ARHGAP24: variants seen among roughly 807,000 people sequenced by gnomAD.
The protein encoded by ARHGAP24 is Rho GTPase activating protein 24.
A neutral mutation model predicts 76.4 loss-of-function variants in ARHGAP24; 50 were observed. The ratio of observed to expected loss-of-function variants is 0.65; its 90% confidence interval spans 0.52 to 0.83. The LOEUF is 0.83. Among genes scored for constraint, ARHGAP24 ranks in the 40% least tolerant of loss-of-function variants. ARHGAP24 has a pLI of 0.00. For missense variants in ARHGAP24, 930 were observed against 914.2 expected, an observed-to-expected ratio of 1.02 and a Z score of -0.22; for synonymous variants, 345 against 323.3, an observed-to-expected ratio of 1.07 and a Z score of -0.72.
chr4:85,560,565 T>C (rs1726553525), intron 1 of ARHGAP24, among the ~76,000 whole-genome samples: 1 of 152,192 alleles, frequency 6.6e-6, no homozygotes, highest in Non-Finnish European at 1.5e-5. Flanking sequence ...GCAACAGGAT[T>C]TTGTAGTGTT....
intron 3 of ARHGAP24, among the ~76,000 whole-genome samples, chr4:85,891,330 T>C (rs1278795802): frequency 1.4e-4 from 20 of 144,610 alleles, no homozygotes; most frequent in Non-Finnish European, 1.5e-5. Context: ...CTTCCTCTTT[T>C]CCTAATTGAA....
chr4:85,755,357 G>A, intron 3 of ARHGAP24, among the ~76,000 whole-genome samples: 1 of 152,006 alleles, frequency 6.6e-6, no homozygotes, highest in East Asian at 1.9e-4. Context: ...GTGTACATGA[G>A]GTTAGACACC....
chr4:85,725,473 C>T (rs1725135387), intron 3 of ARHGAP24, among the ~76,000 whole-genome samples: 1 of 152,202 alleles, frequency 6.6e-6, no homozygotes, highest in South Asian at 2.1e-4. Context: ...AAACTCCTTA[C>T]ATGTTTCCTT....
chr4:85,879,770 C>T (rs1179435657), intron 3 of ARHGAP24, among the ~76,000 whole-genome samples: 1 of 151,864 alleles, frequency 6.6e-6, no homozygotes, highest in Non-Finnish European at 1.5e-5. Flanking sequence ...ATTTAAACTG[C>T]ATTTAATACA....
chr4:85,786,610 T>A (rs975982908), intron 3 of ARHGAP24, among the ~76,000 whole-genome samples: 3 of 152,338 alleles, frequency 2.0e-5, no homozygotes, highest in Admixed American at 1.3e-4. Context: ...AACATGATAT[T>A]GTGGCAGTTT....
At chr4:85,646,501 A>G (rs1372595989) in intron 2 of ARHGAP24, among the ~76,000 whole-genome samples, 6 of 151,978 alleles carry the variant, frequency 3.9e-5, no homozygotes, top group Non-Finnish European at 7.4e-5. Flanking sequence ...CTATACTATT[A>G]TTTTCTACAT....
At chr4:85,763,099 G>A (rs1726794528) in intron 3 of ARHGAP24, among the ~76,000 whole-genome samples, 1 of 152,140 alleles carries the variant, frequency 6.6e-6, no homozygotes, top group East Asian at 1.9e-4. Context: ...TATATCCACT[G>A]CCTGATTCTT....
At chr4:85,714,147 A>G (rs1286724011) in intron 2 of ARHGAP24, among the ~76,000 whole-genome samples, 2 of 152,154 alleles carry the variant, frequency 1.3e-5, no homozygotes, top group Non-Finnish European at 2.9e-5. Context: ...TATGCTCCCA[A>G]GAAGAATGCT....
chr4:85,715,674 G>A (rs1270854436), intron 2 of ARHGAP24, among the ~76,000 whole-genome samples: 1 of 151,848 alleles, frequency 6.6e-6, no homozygotes, highest in African/African-American at 2.4e-5. Flanking sequence ...GAACACTTAT[G>A]GTTACAATTT....
chr4:85,832,812 G>A (rs1372551994), intron 3 of ARHGAP24, among the ~76,000 whole-genome samples: 1 of 152,140 alleles, frequency 6.6e-6, no homozygotes, highest in Non-Finnish European at 1.5e-5. Flanking sequence ...ACATGCACAG[G>A]GGCGATGCTA....
rs142894658 is a variant in ARHGAP24, at chr4:85,583,465, G to A, written c.180+12744G>A. On this transcript the variant is annotated intron_variant, in intron 2 of 9. Transcript: ENST00000395184. Reference sequence around the variant, plus strand: ...ATCTGTATCCTTTAAAGACTTAAACGTTAGACCTAAAACCATAAAAACCCT... The same window carrying A: ...ATCTGTATCCTTTAAAGACTTAAACATTAGACCTAAAACCATAAAAACCCT... 5.6e-3 allele frequency among the ~76,000 whole-genome samples: 847 copies of A among 152,036 alleles called. 10 individuals carry two copies. The highest frequency in any genetic ancestry group is 0.019 in the African/African-American group (776 of 41,484).
intron 3 of ARHGAP24, among the ~76,000 whole-genome samples, chr4:85,789,986 T>C (rs1413974562): frequency 6.6e-6 from 1 of 152,170 alleles, no homozygotes; most frequent in Middle Eastern, 3.2e-3. Flanking sequence ...CCTCTTTTCT[T>C]CTCTCAATAA....
intron 2 of ARHGAP24, among the ~76,000 whole-genome samples, chr4:85,644,137 C>A (rs1721634948): frequency 6.6e-6 from 1 of 152,178 alleles, no homozygotes; most frequent in Non-Finnish European, 1.5e-5. Flanking sequence ...TTAAACTTTG[C>A]TGTTTCAGAT....
At chr4:85,665,015 C>A (rs146218414) in intron 2 of ARHGAP24, among the ~76,000 whole-genome samples, 4,447 of 152,078 alleles carry the variant, frequency 0.029, 201 homozygotes, top group African/African-American at 0.1. Context: ...AGAGTTCTGT[C>A]GATGTCTATT....
chr4:85,642,166 G>T (rs1196463244), intron 2 of ARHGAP24, among the ~76,000 whole-genome samples: 1 of 152,088 alleles, frequency 6.6e-6, no homozygotes, highest in Non-Finnish European at 1.5e-5. Context: ...GAAGACTCCA[G>T]CCTTGGAAAG....
chr4:85,509,506 T>G (rs1724195822), intron 1 of ARHGAP24, among the ~76,000 whole-genome samples: 1 of 151,998 alleles, frequency 6.6e-6, no homozygotes, highest in Admixed American at 6.5e-5. Context: ...AAAACAAAAT[T>G]CTTAGTATAT....
intron 2 of ARHGAP24, among the ~76,000 whole-genome samples, chr4:85,659,972 G>A (rs1722317386): frequency 6.6e-6 from 1 of 152,172 alleles, no homozygotes; most frequent in Admixed American, 6.5e-5. Context: ...TAGAGTGCCT[G>A]CAGCTGAACA....
chr4:86,000,640 T>G lies in ARHGAP24; in HGVS notation c.2165T>G (p.Met722Arg). The G allele has an allele frequency of 6.2e-7, 1 of 1,613,686 alleles. No individual in the cohort carries two copies. The highest frequency in any genetic ancestry group is 8.5e-7 in the Non-Finnish European group (1 of 1,179,896). ...AGAAATGACATGCTACAGAAAGAAA[T>G]GGAGCAGTTTTTTTCCACGTTTGGA... ...EKRNDMLQKE[M>R]EQFFSTFGEL... Residue 722 changes from methionine (M) to arginine (R), a missense_variant, in exon 10 of 10, where the codon ATG (methionine) becomes AGG (arginine). Physicochemically the swap from Met to Arg is moderately conservative, Grantham distance 91. Coordinates refer to ENST00000395184, the MANE Select transcript of ARHGAP24 (RefSeq NM_001025616.3).
At chr4:85,758,898 A>G (rs1287139021) in intron 3 of ARHGAP24, among the ~76,000 whole-genome samples, 1 of 152,240 alleles carries the variant, frequency 6.6e-6, no homozygotes, top group African/African-American at 2.4e-5. Context: ...CTTAGCATTC[A>G]GAAGTTGCTA....
Sources: gnomAD v4.1 joint callset for allele counts (sites outside exome capture counted in the v4.1 genomes callset) on GRCh38, gnomAD v4.1.1 for gene constraint, MANE v1.5 for transcripts, NCBI Gene and HGNC (gene_info 2026-07-23, HGNC 2026-07-21) for gene names.